The following ROBO1 variants were observed in gnomAD, a reference collection of about 807,000 sequenced individuals.
ROBO1 encodes the protein roundabout homolog 1.
Under a neutral mutation model 195.9 loss-of-function variants are expected in ROBO1, and 149 were observed. The observed-to-expected ratio is 0.76, with a 90% CI of 0.67 to 0.87. The LOEUF (loss-of-function observed/expected upper bound fraction) is 0.87, where lower values mean the gene tolerates loss of function less well. ROBO1 is among the 40% of genes least tolerant of loss of function. The probability of loss-of-function intolerance (pLI) is 0.00; values close to 1 mark genes in which losing one functional copy is unlikely to be tolerated. For synonymous variants in ROBO1, 816 were observed against 733.2 expected, an observed-to-expected ratio of 1.11 and a Z score of -1.82; for missense variants, 1,933 against 2,068.3, an observed-to-expected ratio of 0.93 and a Z score of 1.27.
intron 4 of ROBO1, among the ~76,000 whole-genome samples, chr3:78,749,841 A>C (rs1038860571): frequency 2.6e-5 from 4 of 152,198 alleles, no homozygotes; most frequent in African/African-American, 7.2e-5. Flanking sequence ...CAAAGTATAT[A>C]TACTTTTAAT....
chr3:79,135,810 T>C lies in ROBO1; in HGVS notation c.89-10271A>G, dbSNP rs577705497. Among the ~76,000 whole-genome samples, 26 of 152,236 alleles carry C rather than the reference T, an allele frequency of 1.7e-4. No homozygotes were observed. In the South Asian group the frequency reaches 5.0e-3, roughly 29 times the overall value. ...GTGGCACCACGCCCGGCTAATTTTG[T>C]ATTTTTAGTAGAGAGGGGGTTTCTC... On this transcript the variant is annotated intron_variant, in intron 2 of 30. Transcript: ENST00000464233.
chr3:79,625,101 T>C (rs2107996307), intron 1 of ROBO1, among the ~76,000 whole-genome samples: 1 of 152,136 alleles, frequency 6.6e-6, no homozygotes, highest in African/African-American at 2.4e-5. Flanking sequence ...GAATGAATCC[T>C]GGGTAAATAG....
At chr3:78,808,982 C>T (rs2084640385) in intron 4 of ROBO1, among the ~76,000 whole-genome samples, 1 of 151,984 alleles carries the variant, frequency 6.6e-6, no homozygotes, top group African/African-American at 2.4e-5. Flanking sequence ...GCAACAAAAG[C>T]CAAAATTGAC....
At chr3:78,916,795 G>T (rs2038626097) in intron 4 of ROBO1, among the ~76,000 whole-genome samples, 3 of 151,922 alleles carry the variant, frequency 2.0e-5, no homozygotes, top group Admixed American at 6.6e-5. Context: ...CGTGGGTAAG[G>T]GTCTGGATAG....
chr3:78,934,904 T>C (rs553708760), intron 4 of ROBO1, among the ~76,000 whole-genome samples: 1 of 152,164 alleles, frequency 6.6e-6, no homozygotes, highest in East Asian at 1.9e-4. Flanking sequence ...TCCTTCCATC[T>C]TCCACGGACT....
At chr3:78,800,232 G>A (rs934547155) in intron 4 of ROBO1, among the ~76,000 whole-genome samples, 1 of 152,048 alleles carries the variant, frequency 6.6e-6, no homozygotes, top group Non-Finnish European at 1.5e-5. Context: ...AGTAGATTTA[G>A]AAAGCAGCCC....
At chr3:78,806,133 GT>G (rs1246602434) in intron 4 of ROBO1, among the ~76,000 whole-genome samples, 1 of 151,752 alleles carries the variant, frequency 6.6e-6, no homozygotes, top group East Asian at 1.9e-4. Context: ...CTAATTTTTA[GT>G]TTTAAGTTTT....
At chr3:78,673,741 T>C (rs991278306) in intron 10 of ROBO1, among the ~76,000 whole-genome samples, 1 of 150,468 alleles carries the variant, frequency 6.6e-6, no homozygotes, top group Non-Finnish European at 1.5e-5. Context: ...ATAGCGATCA[T>C]GAAGTCTATG....
At chr3:79,436,683 TAA>T (rs1209667888) in intron 2 of ROBO1, among the ~76,000 whole-genome samples, 2 of 152,092 alleles carry the variant, frequency 1.3e-5, no homozygotes, top group East Asian at 3.8e-4. Context: ...TGAGATATTT[TAA>T]AAGAGTGTTT....
At chr3:79,150,804 C>T (rs970908751) in intron 2 of ROBO1, among the ~76,000 whole-genome samples, 1 of 151,760 alleles carries the variant, frequency 6.6e-6, no homozygotes, top group African/African-American at 2.4e-5. Flanking sequence ...GACTTCCATG[C>T]CCACCACCAA....
chr3:79,174,553 A>T (rs2081230813), intron 2 of ROBO1, among the ~76,000 whole-genome samples: 1 of 152,138 alleles, frequency 6.6e-6, no homozygotes, highest in African/African-American at 2.4e-5. Flanking sequence ...ATAGCTTAGA[A>T]TTTTACTTCA....
At chr3:78,742,060 A>G (rs1220569725) in intron 5 of ROBO1, among the ~76,000 whole-genome samples, 1 of 152,188 alleles carries the variant, frequency 6.6e-6, no homozygotes. Context: ...AGGTGCAGCT[A>G]TAATTCAACT....
At chr3:79,052,094 G>T (rs2078711411) in intron 3 of ROBO1, among the ~76,000 whole-genome samples, 1 of 152,094 alleles carries the variant, frequency 6.6e-6, no homozygotes, top group Non-Finnish European at 1.5e-5. Flanking sequence ...GTGGGGCCGG[G>T]CAGAACAGTG....
At chr3:79,481,830 C>T (rs1261144747) in intron 2 of ROBO1, among the ~76,000 whole-genome samples, 3 of 151,854 alleles carry the variant, frequency 2.0e-5, no homozygotes, top group African/African-American at 7.3e-5. Flanking sequence ...TGCTATATTG[C>T]CTTTTCTTTT....
intron 2 of ROBO1, among the ~76,000 whole-genome samples, chr3:79,385,462 C>T: frequency 6.6e-6 from 1 of 150,818 alleles, no homozygotes; most frequent in East Asian, 1.9e-4. Context: ...AACTCAGTAT[C>T]ATCATTGTAA....
intron 2 of ROBO1, among the ~76,000 whole-genome samples, chr3:79,413,593 G>A (rs769380782): frequency 7.2e-5 from 11 of 152,100 alleles, no homozygotes; most frequent in Non-Finnish European, 1.2e-4. Flanking sequence ...GCTAGAAATT[G>A]CAATTATTAT....
chr3:78,606,194 T>C (rs1703449455), intron 29 of ROBO1, among the ~76,000 whole-genome samples: 1 of 152,202 alleles, frequency 6.6e-6, no homozygotes, highest in Non-Finnish European at 1.5e-5. Context: ...CCTAACCACC[T>C]TTCTAGTTTT....
chr3:78,802,679 G>A (rs1312138024), intron 4 of ROBO1, among the ~76,000 whole-genome samples: 1 of 151,470 alleles, frequency 6.6e-6, no homozygotes, highest in African/African-American at 2.4e-5. Context: ...TTTCTGGAGA[G>A]AATGCTATAG....
At chr3:78,695,920 C>G (rs2081279078) in intron 8 of ROBO1, among the ~76,000 whole-genome samples, 2 of 151,794 alleles carry the variant, frequency 1.3e-5, no homozygotes, top group Admixed American at 1.3e-4. Context: ...TCCTTTCACT[C>G]ACTTGAAAAA....
Sources: gnomAD v4.1 joint callset for allele counts (sites outside exome capture counted in the v4.1 genomes callset) on GRCh38, gnomAD v4.1.1 for gene constraint, MANE v1.5 for transcripts, NCBI Gene and HGNC (gene_info 2026-07-23, HGNC 2026-07-21) for gene names.